The following GALNT17 variants were observed in gnomAD, a reference collection of about 807,000 sequenced individuals.
GALNT17 encodes polypeptide N-acetylgalactosaminyltransferase 17, also known as UDP-GalNAc:polypeptide N-acetylgalactosaminyltransferase-like 3.
GALNT17 carries 29 observed loss-of-function variants against 63.7 expected under a neutral mutation model. That is an observed-to-expected ratio of 0.46 (90% CI 0.34 to 0.62). GALNT17 has a LOEUF of 0.62. Ranked by LOEUF, GALNT17 falls within the 20% of genes least tolerant of loss-of-function variation. GALNT17 has a pLI of 0.01. For synonymous variants in GALNT17, 305 were observed against 318.3 expected (o/e 0.96, Z 0.45); for missense variants, 603 against 799.6 (o/e 0.75, Z 2.97).
intron 1 of GALNT17, among the ~76,000 whole-genome samples, chr7:71,277,470 A>G (rs972212548): frequency 9.8e-5 from 15 of 152,330 alleles, no homozygotes; most frequent in African/African-American, 2.6e-4. Context: ...ATGCCTGCAC[A>G]TGGACCCTGA....
intron 9 of GALNT17, among the ~76,000 whole-genome samples, chr7:71,692,417 C>T (rs1414267061): frequency 6.6e-6 from 1 of 152,094 alleles, no homozygotes; most frequent in Admixed American, 6.6e-5. Flanking sequence ...GAAACAACGT[C>T]ACTGTTTCTG....
chr7:71,502,366 C>T (rs2116703824), intron 5 of GALNT17, among the ~76,000 whole-genome samples: 1 of 152,320 alleles, frequency 6.6e-6, no homozygotes, highest in Non-Finnish European at 1.5e-5. Flanking sequence ...TCTTTGTTAT[C>T]TCAGCCAATG....
At chr7:71,169,115 A>C (rs531120782) in intron 1 of GALNT17, among the ~76,000 whole-genome samples, 49 of 152,284 alleles carry the variant, frequency 3.2e-4, no homozygotes, top group African/African-American at 1.2e-3. Flanking sequence ...AATGGGAACC[A>C]CTACAGATCT....
chr7:71,471,217 C>A (rs914444488), intron 5 of GALNT17, among the ~76,000 whole-genome samples: 1 of 151,944 alleles, frequency 6.6e-6, no homozygotes, highest in East Asian at 1.9e-4. Flanking sequence ...GCTGGGACTA[C>A]AGACAGGTGC....
At chr7:71,186,484 G>GAT (rs1788853506) in intron 1 of GALNT17, among the ~76,000 whole-genome samples, 1 of 152,186 alleles carries the variant, frequency 6.6e-6, no homozygotes, top group Admixed American at 6.5e-5. Context: ...CTCTTCTTTG[G>GAT]ACACTTCATG....
intron 5 of GALNT17, among the ~76,000 whole-genome samples, chr7:71,554,535 A>T (rs941688891): frequency 6.6e-6 from 1 of 152,134 alleles, no homozygotes; most frequent in Non-Finnish European, 1.5e-5. Flanking sequence ...CAGGAACTTC[A>T]GGATTTCCTA....
At chr7:71,368,293 G>C (rs58710832) in intron 2 of GALNT17, among the ~76,000 whole-genome samples, 1,707 of 152,308 alleles carry the variant, frequency 0.011, 31 homozygotes, top group African/African-American at 0.039. Flanking sequence ...AGAACACCTG[G>C]TACACTGCTG....
chr7:71,644,881 T>C (rs769646491), intron 6 of GALNT17, among the ~76,000 whole-genome samples: 2 of 152,178 alleles, frequency 1.3e-5, no homozygotes, highest in Non-Finnish European at 2.9e-5. Context: ...AGTGGCTTAG[T>C]ATGGTAAAAA....
intron 1 of GALNT17, among the ~76,000 whole-genome samples, chr7:71,205,891 T>G (rs1234002737): frequency 2.0e-5 from 3 of 152,048 alleles, no homozygotes; most frequent in African/African-American, 7.2e-5. Context: ...TTCTAACAAT[T>G]TGCTATGATA....
At chr7:71,515,985 AT>A (rs1788438966) in intron 5 of GALNT17, among the ~76,000 whole-genome samples, 1 of 152,206 alleles carries the variant, frequency 6.6e-6, no homozygotes, top group Admixed American at 6.5e-5. Context: ...CACGTGTTGC[AT>A]ATCAAAGGAG....
chr7:71,335,482 C>T (rs73181639), intron 1 of GALNT17, 68 bp from the exon 2 acceptor site: 259,044 of 1,399,398 alleles, frequency 0.19, 25,506 homozygotes, highest in East Asian at 0.3. Flanking sequence ...GAAGCTGCAG[C>T]GGAGATTGAG....
chr7:71,678,794 C>CA (rs71089973), intron 9 of GALNT17, among the ~76,000 whole-genome samples: 24 of 136,098 alleles, frequency 1.8e-4, no homozygotes, highest in African/African-American at 6.0e-4. Flanking sequence ...GACTCTGTCT[C>CA]AAAAAAAAAA....
intron 1 of GALNT17, among the ~76,000 whole-genome samples, chr7:71,246,102 A>AGCTTTTTTC (rs1790089129): frequency 6.9e-6 from 1 of 144,376 alleles, no homozygotes; most frequent in Non-Finnish European, 1.5e-5. Context: ...ATGGCCTCAT[A>AGCTTTTTTC]GCTTTTTTCG....
At position 71,226,553 on chromosome 7, in the gene GALNT17, A is replaced by G. The variant is rs182280644; in HGVS notation, c.238+93513A>G. 2.1e-3 allele frequency among the ~76,000 whole-genome samples: 318 copies of G among 152,196 alleles called. 4 individuals are homozygous for G. The highest frequency in any genetic ancestry group is 2.5e-3 in the Non-Finnish European group (173 of 68,020). ...TTCACCCAGGCTGGAGTGCAGTGGC[A>G]TGATCAACCTCTGCCTCCCGGTTTC... On this transcript the variant is annotated intron_variant, in intron 1 of 10. Transcript: ENST00000333538.
chr7:71,314,255 C>CTGTG (rs148641128), intron 1 of GALNT17, among the ~76,000 whole-genome samples: 2 of 150,324 alleles, frequency 1.3e-5, no homozygotes, highest in East Asian at 1.9e-4. Context: ...GAGTGTGTGT[C>CTGTG]TGTGTGTGTG....
chr7:71,521,614 C>T (rs1788532284), intron 5 of GALNT17, among the ~76,000 whole-genome samples: 2 of 152,292 alleles, frequency 1.3e-5, no homozygotes, highest in Admixed American at 6.5e-5. Flanking sequence ...AGCCAGCTGT[C>T]GACTTACACT....
intron 9 of GALNT17, among the ~76,000 whole-genome samples, chr7:71,689,743 A>G (rs1791413465): frequency 6.6e-6 from 1 of 152,240 alleles, no homozygotes; most frequent in Non-Finnish European, 1.5e-5. Context: ...CAACGTAGAC[A>G]GAACAGCCTT....
chr7:71,230,756 G>C (rs1192378621), intron 1 of GALNT17, among the ~76,000 whole-genome samples: 1 of 152,184 alleles, frequency 6.6e-6, no homozygotes, highest in African/African-American at 2.4e-5. Context: ...CCCTGGGTGT[G>C]TTTTTGGTTT....
At chr7:71,519,273 G>A (rs6460661) in intron 5 of GALNT17, among the ~76,000 whole-genome samples, 115,801 of 152,140 alleles carry the variant, frequency 0.76, 45,088 homozygotes, top group African/African-American at 0.9. Context: ...ATTATCTTAT[G>A]GAAGTCAGCA....
Sources: allele counts gnomAD v4.1 joint callset (sites outside exome capture counted in the v4.1 genomes callset), GRCh38; gene constraint gnomAD v4.1.1; transcripts MANE v1.5; gene names NCBI Gene and HGNC (gene_info 2026-07-23, HGNC 2026-07-21).